Variants in OMA1 observed in about 807,000 individuals in gnomAD.
The protein encoded by OMA1 is metalloendopeptidase OMA1, mitochondrial.
OMA1 carries 38 observed loss-of-function variants against 30.9 expected under a neutral mutation model. That is an observed-to-expected ratio of 1.23 (90% CI 0.95 to 1.61). The LOEUF is 1.61. Among genes scored for constraint, OMA1 ranks in the 40% most tolerant of loss-of-function variants. The pLI, the probability that OMA1 is intolerant of heterozygous loss-of-function variation, is 0.00. For missense variants in OMA1, 461 were observed against 349.2 expected, an observed-to-expected ratio of 1.32 and a Z score of -2.55; for synonymous variants, 173 against 121.9, an observed-to-expected ratio of 1.42 and a Z score of -2.76.
rs577814864 is a variant in OMA1 at position 58,495,238 on chromosome 1, G to T, written c.1365+10822C>A. On this transcript the variant is annotated intron_variant, in intron 8 of 8. Transcript: ENST00000371226. ...GAACAATGAGAACACATGGACACAG[G>T]AAGGGGAACATCACACACAGGGGTC... Among the ~76,000 whole-genome samples the T allele has an allele frequency of 3.6e-3, 547 of 152,228 alleles. 1 individual carries two copies. Among genetic ancestry groups the T allele is most frequent in the African/African-American group, 0.013 (531 of 41,514 alleles).
intron 1 of OMA1, among the ~76,000 whole-genome samples, chr1:58,544,131 T>G (rs1646665122): frequency 1.3e-5 from 2 of 152,192 alleles, no homozygotes; most frequent in Admixed American, 6.5e-5. Context: ...TTCAAAACTT[T>G]TAAGTAAAGC....
At position 58,538,990 on chromosome 1, in the gene OMA1, T is replaced by G; in HGVS notation, c.305A>C (p.Asp102Ala). 1 of 872,856 alleles carries G rather than the reference T, an allele frequency of 1.1e-6. No individual in the cohort carries two copies. Among genetic ancestry groups the G allele is most frequent in the South Asian group, 1.3e-5 (1 of 76,530 alleles). The allele number at this position is 872,856 out of a possible 1,614,324, so 54.1% of individuals were successfully genotyped here. Residue 102 changes from aspartate to alanine, a missense_variant, in exon 2 of 9, where the codon GAT becomes GCT. Transcript: ENST00000371226. ...TATTAGCAGCTGTCTTGAAAAAGCA[T>G]CATTCCATACAGTACATTTGCTGGT... is the stretch of plus-strand genomic sequence containing the variant. ...RITSKCTVWN[D>A]AFSRQLLIKE...
chr1:58,516,286 C>T (rs12141238), intron 7 of OMA1, among the ~76,000 whole-genome samples: 16 of 152,000 alleles, frequency 1.1e-4, no homozygotes, highest in Admixed American at 4.6e-4. Flanking sequence ...GAAACTGTTA[C>T]GAAAAAATTA....
intron 7 of OMA1, among the ~76,000 whole-genome samples, chr1:58,514,489 CA>C (rs897973472): frequency 7.9e-5 from 12 of 152,294 alleles, no homozygotes; most frequent in African/African-American, 2.9e-4. Context: ...GACACTCCAA[CA>C]AAGCTCCTGT....
At chr1:58,539,442 C>G (rs918857704) in intron 1 of OMA1, 132 bp from the exon 2 acceptor site, 21 of 601,852 alleles carry the variant, frequency 3.5e-5, no homozygotes, top group Non-Finnish European at 5.5e-5. Context: ...TGGGTTTCAA[C>G]TCATCACCCC....
intron 7 of OMA1, among the ~76,000 whole-genome samples, chr1:58,523,200 A>G (rs1196425661): frequency 6.6e-6 from 1 of 152,150 alleles, no homozygotes; most frequent in African/African-American, 2.4e-5. Context: ...TAAGATCTGT[A>G]TATTGAAACC....
At chr1:58,539,905 G>A (rs1646578150) in intron 1 of OMA1, among the ~76,000 whole-genome samples, 1 of 152,172 alleles carries the variant, frequency 6.6e-6, no homozygotes, top group Non-Finnish European at 1.5e-5. Flanking sequence ...AGAGCTCACA[G>A]GACAGAGGAC....
Position 58,539,243 on chromosome 1 carries a change from G to C in OMA1, c.52C>G (p.Arg18Gly). The change falls in exon 2 of 9, where the codon CGA (arginine) becomes GGA (glycine). Residue 18 changes from arginine to glycine, a missense_variant. Physicochemically the swap from Arg to Gly is moderately radical, Grantham distance 125. Coordinates refer to ENST00000371226, the MANE Select transcript of OMA1 (RefSeq NM_145243.5). ...CTCCAGTTAGACAGTGAATTAAATC[G>C]GAAGAAAACATGGTTTCTAGCAGCA... ...QSAARNHVFFRFNSLSNWRKC... is the reference protein window; with the variant it reads ...QSAARNHVFFGFNSLSNWRKC... The C allele has an allele frequency of 5.7e-6, 5 of 870,080 alleles. No individual in the cohort carries two copies. Among genetic ancestry groups the C allele is most frequent in the Non-Finnish European group, 1.0e-5 (5 of 501,002 alleles). The allele number at this position is 870,080 out of a possible 1,614,324, so 53.9% of individuals were successfully genotyped here.
chr1:58,545,713 A>G (rs1646691970), intron 1 of OMA1, among the ~76,000 whole-genome samples: 2 of 152,364 alleles, frequency 1.3e-5, no homozygotes, highest in Admixed American at 6.5e-5. Context: ...TGGCACTCAC[A>G]GCTGAAGCCT....
rs1486937683 is a variant in OMA1, at chr1:58,536,727, C to A, written c.515G>T (p.Trp172Leu). ...AIIVGRGIRK[W>L]WQALPPNKKE... ...CTTGTTAGGAGGAAGTGCCTGCCAC[C>A]ATTTCCTTATGCCCCTAAAGCAAAA... Residue 172 changes from tryptophan to leucine, a missense_variant, in exon 3 of 9, where the codon TGG (tryptophan) becomes TTG (leucine). Physicochemically the swap from Trp to Leu is moderately conservative, Grantham distance 61 (BLOSUM62 -2). Transcript: ENST00000371226. 1 of 872,478 alleles carries A rather than the reference C, an allele frequency of 1.1e-6. No homozygotes were observed. Among genetic ancestry groups the A allele is most frequent in the Admixed American group, 1.7e-5 (1 of 59,152 alleles). The allele number at this position is 872,478 out of a possible 1,614,324, so 54.0% of individuals were successfully genotyped here.
At chr1:58,535,097 T>C (rs1646495718) in intron 3 of OMA1, among the ~76,000 whole-genome samples, 1 of 152,146 alleles carries the variant, frequency 6.6e-6, no homozygotes, top group African/African-American at 2.4e-5. Context: ...TTTTAAGGTG[T>C]TTTACTCACA....
chr1:58,528,668 A>C (rs1483379370), intron 6 of OMA1, among the ~76,000 whole-genome samples: 1 of 152,190 alleles, frequency 6.6e-6, no homozygotes, highest in Non-Finnish European at 1.5e-5. Flanking sequence ...CCAAAGTGTG[A>C]GTAGTGCTGA....
rs191409939 is a variant in OMA1 at position 58,536,582 on chromosome 1, T to C, written c.660A>G (p.Thr220=). ...YFTHLEVSPI[T]GRSKLLLLGK... ...CCAATAATAGTAGCTTGCTCCTTCC[T>C]GTGATTGGACTTACTTCCAGGTGAG... Residue 220 remains threonine, a synonymous_variant, in exon 3 of 9, where the codon ACA becomes ACG. Transcript: ENST00000371226. 3.4e-6 allele frequency: 3 copies of C among 872,894 alleles called. No homozygotes were observed. The highest frequency in any genetic ancestry group is 4.8e-5 in the East Asian group (2 of 41,672). The allele number at this position is 872,894 out of a possible 1,614,324, so 54.1% of individuals were successfully genotyped here. A position where few individuals can be genotyped will look rare whatever the true frequency, so the allele number is the denominator to read the frequency against.
chr1:58,524,460 A>G (rs1380620923), intron 7 of OMA1, among the ~76,000 whole-genome samples: 1 of 152,146 alleles, frequency 6.6e-6, no homozygotes, highest in East Asian at 1.9e-4. Context: ...TTTTTCTTGA[A>G]TCATATTAGA....
chr1:58,536,617 A>C lies in OMA1; in HGVS notation c.625T>G (p.Phe209Val), dbSNP rs1339241158. 4 of 872,710 alleles carry C rather than the reference A, an allele frequency of 4.6e-6. No homozygotes were observed. The highest frequency in any genetic ancestry group is 1.3e-5 in the South Asian group (1 of 76,536). The allele number at this position is 872,710 out of a possible 1,614,324, so 54.1% of individuals were successfully genotyped here. ...LSSFGLLFVV[F>V]YFTHLEVSPI... ...CTTACTTCCAGGTGAGTAAAATAAA[A>C]CACCACAAAGAGCAATCCAAAACTA... Residue 209 changes from phenylalanine to valine, a missense_variant, in exon 3 of 9, where the codon TTT becomes GTT. Phe to Val is a conservative substitution (Grantham distance 50). Coordinates refer to ENST00000371226, the MANE Select transcript of OMA1 (RefSeq NM_145243.5).
At chr1:58,520,371 G>A (rs1029624401) in intron 7 of OMA1, among the ~76,000 whole-genome samples, 12 of 152,062 alleles carry the variant, frequency 7.9e-5, no homozygotes, top group African/African-American at 2.9e-4. Flanking sequence ...TCAAGAATAA[G>A]AACACAAACT....
chr1:58,535,922 A>T (rs569175989), intron 3 of OMA1, among the ~76,000 whole-genome samples: 17 of 152,250 alleles, frequency 1.1e-4, no homozygotes, highest in African/African-American at 3.9e-4. Context: ...CTGACTATAA[A>T]TCTATTTATT....
intron 7 of OMA1, among the ~76,000 whole-genome samples, chr1:58,513,928 G>C (rs1042028267): frequency 6.6e-6 from 1 of 152,192 alleles, no homozygotes; most frequent in Non-Finnish European, 1.5e-5. Flanking sequence ...AAGTAGTCTG[G>C]TGACAGAGTT....
chr1:58,516,924 G>T (rs1397041667), intron 7 of OMA1, among the ~76,000 whole-genome samples: 1 of 152,162 alleles, frequency 6.6e-6, no homozygotes, highest in East Asian at 1.9e-4. Context: ...GAGGAAGCCA[G>T]GCTGTAATCA....
Sources: allele counts gnomAD v4.1 joint callset (sites outside exome capture counted in the v4.1 genomes callset), GRCh38; gene constraint gnomAD v4.1.1; transcripts MANE v1.5; gene names NCBI Gene and HGNC (gene_info 2026-07-23, HGNC 2026-07-21).